Variants in TTN observed in about 807,000 individuals in gnomAD.
TTN encodes the protein connectin.
Under a neutral mutation model 3,223.0 loss-of-function variants are expected in TTN, and 1,525 were observed. That is an observed-to-expected ratio of 0.47 (90% CI 0.45 to 0.49). The LOEUF (loss-of-function observed/expected upper bound fraction) is 0.49, where lower values mean the gene tolerates loss of function less well. TTN is among the 20% of genes least tolerant of loss of function. The probability of loss-of-function intolerance (pLI) is 0.00; values close to 1 mark genes in which losing one functional copy is unlikely to be tolerated. For missense variants in TTN, 40,786 were observed against 43,424.0 expected (o/e 0.94, Z 5.40); for synonymous variants, 14,094 against 15,161.0 (o/e 0.93, Z 5.17).
At chr2:178,735,016 G>C in intron 50 of TTN, 28 bp from the exon 51 acceptor site, 1 of 1,502,550 alleles carries the variant, frequency 6.7e-7, no homozygotes, top group Non-Finnish European at 8.9e-7. Flanking sequence ...AAAAGAAAAA[G>C]GAGAAGATAT....
intron 336 of TTN, 194 bp downstream of exon 336, chr2:178,550,773 G>C (rs558880439): frequency 5.0e-6 from 3 of 602,902 alleles, no homozygotes; most frequent in South Asian, 4.4e-5. Flanking sequence ...GGAATGGAGT[G>C]AAATAATAGA....
intron 47 of TTN, chr2:178,747,965 T>C (rs1469701737): frequency 1.2e-6 from 2 of 1,613,038 alleles, no homozygotes; most frequent in South Asian, 2.2e-5. Flanking sequence ...ATCACCTCTG[T>C]GGTCTTCCAA....
At chr2:178,755,226 T>TTC (rs145167466) in intron 46 of TTN, among the ~76,000 whole-genome samples, 15,034 of 152,160 alleles carry the variant, frequency 0.099, 1,026 homozygotes, top group Non-Finnish European at 0.15. Context: ...AAGTTATTAC[T>TTC]TGCCCAGACA....
Position 178,533,833 on chromosome 2 carries a change from G to A in TTN, c.102782C>T (p.Thr34261Ile). 1 of 1,613,962 alleles carries A rather than the reference G, an allele frequency of 6.2e-7. No individual in the cohort carries two copies. The highest frequency in any genetic ancestry group is 8.5e-7 in the Non-Finnish European group (1 of 1,179,872). The change falls in exon 358 of 363, where the codon ACC becomes ATC. Residue 34261 changes from threonine (T) to isoleucine (I), a missense_variant. Coordinates refer to ENST00000589042, the MANE Select transcript of TTN (RefSeq NM_001267550.2). ...MRLLERPPEF[T>I]LPLYNKTAYV... Reference sequence around the variant, plus strand: ...AGCTGTCTTATTATAGAGAGGCAGGGTAAATTCTGGTGGCCTTTCCAGGAG... The same window carrying A: ...AGCTGTCTTATTATAGAGAGGCAGGATAAATTCTGGTGGCCTTTCCAGGAG...
Position 178,712,755 on chromosome 2 carries a change from A to G in TTN, c.27270T>C (p.Thr9090=). 1.2e-6 allele frequency: 2 copies of G among 1,613,892 alleles called. No homozygotes were observed. Among genetic ancestry groups the G allele is most frequent in the South Asian group, 2.2e-5 (2 of 91,082 alleles). Residue 9090 remains threonine, a synonymous_variant, in exon 94 of 363, where the codon ACT becomes ACC. Transcript: ENST00000589042. ...TGCCAGCTTCATTGCTAACTATGCAAGTATATTCTCCACTTTGTGATGTAT... is the reference window on the plus strand; with the variant it reads ...TGCCAGCTTCATTGCTAACTATGCAGGTATATTCTCCACTTTGTGATGTAT... The part of the protein sequence containing the change: ...DVDTSQSGEY[T]CIVSNEAGKA...
rs2072705468 is a variant in TTN at position 178,692,482 on chromosome 2, C to A, written c.31678+15G>T. The A allele has an allele frequency of 1.3e-6, 2 of 1,557,212 alleles. No homozygotes were observed. Among genetic ancestry groups the A allele is most frequent in the Admixed American group, 1.9e-5 (1 of 52,030 alleles). ...TGGATGCTAAGAATTATTTTTTTCA[C>A]AAATATTATTCTACCTTTTGGTGCT... On this transcript the variant is annotated intron_variant, in intron 120 of 362. Transcript: ENST00000589042.
In TTN at chr2:178,527,224, C is replaced by T; in HGVS notation, c.107764G>A (p.Gly35922Ser). 1 of 1,613,802 alleles carries T rather than the reference C, an allele frequency of 6.2e-7. No individual in the cohort carries two copies. The highest frequency in any genetic ancestry group is 8.5e-7 in the Non-Finnish European group (1 of 1,179,830). The change falls in exon 363 of 363, where the codon GGT becomes AGT. Residue 35922 changes from glycine (G) to serine (S), a missense_variant. Gly to Ser is a moderately conservative substitution (Grantham distance 56). Transcript: ENST00000589042. Reference sequence around the variant, plus strand: ...CATGTTACTTCTGGGGTAGGCTCACCCGTGAAAGCACAGGCTACTGTTAGA... The same window carrying T: ...CATGTTACTTCTGGGGTAGGCTCACTCGTGAAAGCACAGGCTACTGTTAGA... ...KVLTVACAFT[G>S]EPTPEVTWSC...
rs1456899449 is a variant in TTN, at chr2:178,740,170, G to C, written c.13063C>G (p.Gln4355Glu). 6.2e-7 allele frequency: 1 copy of C among 1,613,618 alleles called. No homozygotes were observed. The highest frequency in any genetic ancestry group is 1.7e-5 in the Admixed American group (1 of 59,968). Residue 4355 changes from glutamine to glutamate, a missense_variant, in exon 48 of 363, where the codon CAA becomes GAA. Gln to Glu is a conservative substitution (Grantham distance 29). Transcript: ENST00000589042. ...HSDNVVMPPD[Q>E]IIESKREPVA... ...GGCTCTCTTTTAGACTCAATGATTT[G>C]GTCTGGGGGCATCACCACGTTGTCA...
chr2:178,577,189 A>G lies in TTN; in HGVS notation c.69146T>C (p.Ile23049Thr). Residue 23049 changes from isoleucine to threonine, a missense_variant, in exon 324 of 363, where the codon ATC becomes ACC. Physicochemically the swap from Ile to Thr is moderately conservative, Grantham distance 89 (BLOSUM62 -1). Transcript: ENST00000589042. ...DVPGPPGPVE[I>T]SNVSAEKATL... The stretch of plus-strand genomic sequence containing the variant: ...TGCTTTTTCAGCAGAAACATTACTG[A>G]TTTCAACAGGACCTGGGGGACCAGG... 1.9e-6 allele frequency: 3 copies of G among 1,612,914 alleles called. No individual in the cohort carries two copies. The highest frequency in any genetic ancestry group is 2.5e-6 in the Non-Finnish European group (3 of 1,179,458).
In TTN at chr2:178,539,063, T is replaced by A. The variant is rs1693103704; in HGVS notation, c.98872A>T (p.Thr32958Ser). Residue 32958 changes from threonine (T) to serine (S), a missense_variant, in exon 353 of 363, where the codon ACT (threonine) becomes TCT (serine). Transcript: ENST00000589042. Reference sequence around the variant, plus strand: ...GCATCGGGAACAAGCCCTGTGACAGTGTACATTGTGGTGGTGATCTGAGTC... The same window carrying A: ...GCATCGGGAACAAGCCCTGTGACAGAGTACATTGTGGTGGTGATCTGAGTC... ...NKTQITTTMY[T>S]VTGLVPDAEY... The A allele has an allele frequency of 6.2e-7, 1 of 1,613,584 alleles. No homozygotes were observed. The highest frequency in any genetic ancestry group is 1.3e-5 in the African/African-American group (1 of 74,886).
In TTN at chr2:178,807,200, G is replaced by C. The variant is rs1486642322; in HGVS notation, c.-14+12C>G. The C allele has an allele frequency of 6.6e-6, 1 of 152,124 alleles. No homozygotes were observed. The highest frequency in any genetic ancestry group is 1.9e-4 in the East Asian group (1 of 5,194). The allele number at this position is 152,124 out of a possible 1,614,324, so 9.4% of individuals were successfully genotyped here. The stretch of plus-strand genomic sequence containing the variant: ...TGACTCTACTATTAAAATAAGAAAA[G>C]TTGCTGCTCACCTGATTTCTCAAGA... On this transcript the variant is annotated intron_variant, in intron 1 of 362. Transcript: ENST00000589042.
intron 222 of TTN, 54 bp downstream of exon 222, chr2:178,639,994 T>C (rs940774725): frequency 2.6e-5 from 41 of 1,584,632 alleles, no homozygotes; most frequent in Non-Finnish European, 3.5e-5. Context: ...GTACATGTTA[T>C]GTGTGTGAAT....
At chr2:178,748,267 G>A in intron 47 of TTN, 1 of 1,612,956 alleles carries the variant, frequency 6.2e-7, no homozygotes, top group South Asian at 1.1e-5. Context: ...AAATGTCTAA[G>A]TTTTGTTCCT....
At chr2:178,747,051 A>ATCTC (rs2083801716) in intron 47 of TTN, 4 of 1,613,192 alleles carry the variant, frequency 2.5e-6, no homozygotes, top group Non-Finnish European at 3.4e-6. Context: ...GGAATAGAAT[A>ATCTC]TCTCTCTAGT....
In TTN at chr2:178,709,785, T is replaced by C; in HGVS notation, c.28534A>G (p.Lys9512Glu). 6.2e-7 allele frequency: 1 copy of C among 1,613,788 alleles called. No homozygotes were observed. The stretch of plus-strand genomic sequence containing the variant: ...GAACCAGCCACACGTCCCTCAAGTT[T>C]GAAAGAATTCCCTTCTGTTTCTTCT... Reference protein sequence around the residue: ...TVEETEGNSFKLEGRVAGSQP... With the variant: ...TVEETEGNSFELEGRVAGSQP... Residue 9512 changes from lysine (K) to glutamate (E), a missense_variant, in exon 99 of 363, where the codon AAA becomes GAA. Lys to Glu is a moderately conservative substitution (Grantham distance 56, BLOSUM62 1). Coordinates refer to ENST00000589042, the MANE Select transcript of TTN (RefSeq NM_001267550.2).
rs755698637 is a variant in TTN at position 178,551,956 on chromosome 2, A to G, written c.90944T>C (p.Ile30315Thr). 2.5e-6 allele frequency: 4 copies of G among 1,612,622 alleles called. No homozygotes were observed. The African/African-American group carries it at 4.0e-5, about 16-fold the overall frequency. Residue 30315 changes from isoleucine to threonine, a missense_variant, in exon 335 of 363, where the codon ATT becomes ACT. Ile to Thr is a moderately conservative substitution (Grantham distance 89, BLOSUM62 -1). Coordinates refer to ENST00000589042, the MANE Select transcript of TTN (RefSeq NM_001267550.2). ...YGVSQPLVSS[I>T]IVAKHQFRIP... ...CCTGAACTGGTGTTTTGCCACAATAATGCTTGAGACAAGTGGTTGGCTGAC... is the reference window on the plus strand; with the variant it reads ...CCTGAACTGGTGTTTTGCCACAATAGTGCTTGAGACAAGTGGTTGGCTGAC...
At chr2:178,772,822 G>A in intron 33 of TTN, 1 of 430,050 alleles carries the variant, frequency 2.3e-6, no homozygotes, top group Non-Finnish European at 4.2e-6. Context: ...TAAACACTAG[G>A]AAAGAGGCAC....
At chr2:178,785,771 A>C in intron 14 of TTN, 29 bp from the exon 15 acceptor site, 2 of 1,614,174 alleles carry the variant, frequency 1.2e-6, no homozygotes, top group Non-Finnish European at 1.7e-6. Context: ...CAGTGATACC[A>C]TTGATCACCA....
chr2:178,749,046 G>T lies in TTN; in HGVS notation c.11311+4078C>A, dbSNP rs377693086. ...ATTCTATGCTTCACCTTTTTCCCCG[G>T]GTAGTGTATCTCTTCACCAAGGGAT... On this transcript the variant is annotated intron_variant, in intron 47 of 362. Coordinates refer to ENST00000589042, the MANE Select transcript of TTN (RefSeq NM_001267550.2). 4.3e-6 allele frequency: 7 copies of T among 1,612,442 alleles called. No individual in the cohort carries two copies. In the South Asian group the frequency reaches 4.4e-5, roughly 10 times the overall value.
Sources: allele counts gnomAD v4.1 joint callset (sites outside exome capture counted in the v4.1 genomes callset), GRCh38; gene constraint gnomAD v4.1.1; transcripts MANE v1.5; gene names NCBI Gene and HGNC (gene_info 2026-07-23, HGNC 2026-07-21).